The following TMEM236 variants were observed in gnomAD, a reference collection of about 807,000 sequenced individuals.
TMEM236 encodes the protein family with sequence similarity 23, member A.
Under a neutral mutation model 14.7 loss-of-function variants are expected in TMEM236, and 11 were observed. The ratio of observed to expected loss-of-function variants is 0.75; its 90% CI spans 0.47 to 1.24. The LOEUF is 1.24. Among genes scored for constraint, TMEM236 ranks in the 50% most tolerant of loss-of-function variants. TMEM236 has a pLI of 0.00. For synonymous variants in TMEM236, 182 were observed against 168.6 expected (o/e 1.08, Z -0.62); for missense variants, 464 against 427.3 (o/e 1.09, Z -0.76).
At chr10:17,774,499 C>A (rs1406753200) in intron 2 of TMEM236, among the ~76,000 whole-genome samples, 1 of 151,282 alleles carries the variant, frequency 6.6e-6, no homozygotes, top group Non-Finnish European at 1.5e-5. Context: ...CTAAAAAATC[C>A]ATCCTTCCCA....
At chr10:17,762,574 C>CATATATAT (rs878958449) in intron 1 of TMEM236, among the ~76,000 whole-genome samples, 4 of 53,052 alleles carry the variant, frequency 7.5e-5, no homozygotes, top group East Asian at 5.5e-4. Flanking sequence ...ATCTGAATTT[C>CATATATAT]ATATATATAT....
intron 2 of TMEM236, among the ~76,000 whole-genome samples, chr10:17,772,189 A>G (rs1421911878): frequency 1.1e-4 from 17 of 152,226 alleles, no homozygotes; most frequent in East Asian, 5.8e-4. Flanking sequence ...TAAACAGGCA[A>G]TTAGAACAAG....
At chr10:17,776,303 T>C (rs781892573) in intron 3 of TMEM236, 133 bp downstream of exon 3, 147,989 of 881,966 alleles carry the variant, frequency 0.17, 13,951 homozygotes, top group African/African-American at 0.3. Context: ...AGATTGCAAA[T>C]GAAGATATCT....
intron 1 of TMEM236, among the ~76,000 whole-genome samples, chr10:17,770,296 A>G (rs1554834668): frequency 6.6e-6 from 1 of 152,206 alleles, no homozygotes; most frequent in Non-Finnish European, 1.5e-5. Context: ...TAAATATTTC[A>G]TTGTAGAAAA....
chr10:17,759,934 G>A (rs1837331868), intron 1 of TMEM236, among the ~76,000 whole-genome samples: 1 of 126,986 alleles, frequency 7.9e-6, no homozygotes. Flanking sequence ...AGTGAGCCGA[G>A]ATAGCGCCGC....
At chr10:17,763,024 G>T (rs977889339) in intron 1 of TMEM236, among the ~76,000 whole-genome samples, 12 of 152,114 alleles carry the variant, frequency 7.9e-5, no homozygotes, top group Non-Finnish European at 1.0e-4. Context: ...TTGTGCTCAG[G>T]TACTGCCTCC....
In TMEM236 at chr10:17,768,085, G is replaced by GTTTTTTTTTTTTTTTTTTTT. The variant is rs1181734908; in HGVS notation, c.258-3224_258-3223insTTTTTTTTTTTTTTTTTTTT. Reference sequence around the variant, plus strand: ...ACCACCACACCTCGCTAATTTTTGTGGTTTTTTTTTTTTTTTTTTTTTTGT... The same window carrying GTTTTTTTTTTTTTTTTTTTT: ...ACCACCACACCTCGCTAATTTTTGTGTTTTTTTTTTTTTTTTTTTTGTTTTTTTTTTTTTTTTTTTTTTGT... On this transcript the variant is annotated intron_variant, in intron 1 of 3. Coordinates refer to ENST00000377495, the MANE Select transcript of TMEM236 (RefSeq NM_001098844.3). 2.0e-3 allele frequency among the ~76,000 whole-genome samples: 196 copies of GTTTTTTTTTTTTTTTTTTTT among 98,806 alleles called. 36 individuals are homozygous for GTTTTTTTTTTTTTTTTTTTT. Among genetic ancestry groups the GTTTTTTTTTTTTTTTTTTTT allele is most frequent in the East Asian group, 0.01 (39 of 3,810 alleles). The allele number at this position is 98,806 out of a possible 152,430, so 64.8% of individuals were successfully genotyped here.
At chr10:17,772,739 G>T (rs1837593602) in intron 2 of TMEM236, among the ~76,000 whole-genome samples, 2 of 152,130 alleles carry the variant, frequency 1.3e-5, no homozygotes, top group Non-Finnish European at 2.9e-5. Flanking sequence ...ACTTTGGCCG[G>T]CTCCATGCCC....
chr10:17,753,113 C>T (rs1030591363), intron 1 of TMEM236, among the ~76,000 whole-genome samples: 11 of 151,816 alleles, frequency 7.2e-5, no homozygotes, highest in African/African-American at 1.4e-4. Flanking sequence ...AGGCTGGTCC[C>T]GAGCTCCTGA....
rs1837557377 is a variant in TMEM236 at position 17,770,721 on chromosome 10, T to C, written c.258-588T>C. On this transcript the variant is annotated intron_variant, in intron 1 of 3. Coordinates refer to ENST00000377495, the MANE Select transcript of TMEM236 (RefSeq NM_001098844.3). ...CTGTGTCATAAGATATACTATTTTC[T>C]ACATATTATATCTCAATAGCTATTT... Among the ~76,000 whole-genome samples the C allele has an allele frequency of 5.9e-5, 9 of 152,336 alleles. No individual in the cohort carries two copies. In the South Asian group the frequency reaches 1.4e-3, roughly 25 times the overall value.
In TMEM236 at chr10:17,795,967, A is replaced by G. The variant is rs1554836354; in HGVS notation, c.519A>G (p.Lys173=). 6.2e-7 allele frequency: 1 copy of G among 1,613,940 alleles called. No homozygotes were observed. Among genetic ancestry groups the G allele is most frequent in the Admixed American group, 1.7e-5 (1 of 60,014 alleles). The part of the protein sequence containing the change: ...HIHSTSLQHI[K]TVTEQVRQSP... ...ATTCAACCTCTTTGCAACACATAAA[A>G]ACTGTGACGGAGCAAGTGAGGCAAA... Residue 173 remains lysine, a synonymous_variant, in exon 4 of 4, where the codon AAA becomes AAG. Coordinates refer to ENST00000377495, the MANE Select transcript of TMEM236 (RefSeq NM_001098844.3).
chr10:17,765,471 G>T (rs1837447575), intron 1 of TMEM236, among the ~76,000 whole-genome samples: 2 of 152,052 alleles, frequency 1.3e-5, no homozygotes, highest in Non-Finnish European at 2.9e-5. Flanking sequence ...TCCAAACAAG[G>T]TATAGGCAAG....
At position 17,768,896 on chromosome 10, in the gene TMEM236, T is replaced by A. The variant is rs1027575592; in HGVS notation, c.258-2413T>A. The stretch of plus-strand genomic sequence containing the variant: ...ATTGTGTGTTCATCAAAGATTTTTT[T>A]AAATTGTGATAAAATACATATAATG... On this transcript the variant is annotated intron_variant, in intron 1 of 3. Transcript: ENST00000377495. 6.6e-5 allele frequency among the ~76,000 whole-genome samples: 10 copies of A among 152,294 alleles called. No homozygotes were observed. The East Asian group carries it at 9.6e-4, about 15-fold the overall frequency.
chr10:17,770,544 C>T lies in TMEM236; in HGVS notation c.258-765C>T, dbSNP rs1224294814. Among the ~76,000 whole-genome samples the T allele has an allele frequency of 3.9e-5, 6 of 152,114 alleles. No homozygotes were observed. The East Asian group carries it at 7.7e-4, about 20-fold the overall frequency. On this transcript the variant is annotated intron_variant, in intron 1 of 3. Transcript: ENST00000377495. ...GACTACAGGTGCTCGCCACCACGCCCGGCTAATATTTTGTATTTTTAGTAG... is the reference window on the plus strand; with the variant it reads ...GACTACAGGTGCTCGCCACCACGCCTGGCTAATATTTTGTATTTTTAGTAG...
At chr10:17,765,064 C>T (rs1213858422) in intron 1 of TMEM236, among the ~76,000 whole-genome samples, 1 of 151,974 alleles carries the variant, frequency 6.6e-6, no homozygotes. Context: ...TTGTGATCTG[C>T]CCACCTCAGT....
At chr10:17,766,078 TATC>T (rs1837458031) in intron 1 of TMEM236, among the ~76,000 whole-genome samples, 1 of 152,232 alleles carries the variant, frequency 6.6e-6, no homozygotes, top group Non-Finnish European at 1.5e-5. Context: ...CATAGTTTCT[TATC>T]ATTTGCAATA....
Position 17,798,855 on chromosome 10 carries a change from C to G in TMEM236, c.*2351C>G. ...CCATAATAACTTGATAAATGCTAAGCATTGGAACGGGTACCAAGTCTCCAA... is the reference window on the plus strand; with the variant it reads ...CCATAATAACTTGATAAATGCTAAGGATTGGAACGGGTACCAAGTCTCCAA... On this transcript the variant is annotated 3_prime_UTR_variant, in exon 4 of 4. Transcript: ENST00000377495. The G allele has an allele frequency of 8.2e-6, 3 of 366,516 alleles. No individual in the cohort carries two copies. The highest frequency in any genetic ancestry group is 6.4e-5 in the South Asian group (3 of 47,080). The allele number at this position is 366,516 out of a possible 1,614,324, so 22.7% of individuals were successfully genotyped here. A position where few individuals can be genotyped will look rare whatever the true frequency, so the allele number is the denominator to read the frequency against.
intron 3 of TMEM236, among the ~76,000 whole-genome samples, chr10:17,787,772 A>G (rs1837862834): frequency 1.3e-5 from 2 of 152,150 alleles, no homozygotes; most frequent in African/African-American, 4.8e-5. Flanking sequence ...AAACTACACT[A>G]GTAAATATGC....
At chr10:17,782,528 C>G (rs990239823) in intron 3 of TMEM236, among the ~76,000 whole-genome samples, 1 of 152,150 alleles carries the variant, frequency 6.6e-6, no homozygotes, top group Non-Finnish European at 1.5e-5. Context: ...TCTCTGCTCA[C>G]TGCAATCTCT....
Sources: gnomAD v4.1 joint callset for allele counts (sites outside exome capture counted in the v4.1 genomes callset) on GRCh38, gnomAD v4.1.1 for gene constraint, MANE v1.5 for transcripts, NCBI Gene and HGNC (gene_info 2026-07-23, HGNC 2026-07-21) for gene names.